The following ZAN variants were observed in gnomAD, a reference collection of about 807,000 sequenced individuals.
The protein encoded by ZAN is zonadhesin (gene/pseudogene).
A neutral mutation model predicts 286.2 loss-of-function variants in ZAN; 260 were observed. That is an observed-to-expected ratio of 0.91 (90% CI 0.82 to 1.01). The LOEUF (loss-of-function observed/expected upper bound fraction) is 1.01. Among genes scored for constraint, ZAN ranks in the 50% least tolerant of loss-of-function variants. The pLI is 0.00. For missense variants in ZAN, 3,410 were observed against 3,639.2 expected (o/e 0.94, Z 1.62); for synonymous variants, 1,368 against 1,417.5 (o/e 0.97, Z 0.79).
rs1808367852 is a variant in ZAN, at chr7:100,748,230, T to G, written c.1102+15T>G. 6.2e-7 allele frequency: 1 copy of G among 1,613,796 alleles called. No individual in the cohort carries two copies. The highest frequency in any genetic ancestry group is 8.5e-7 in the Non-Finnish European group (1 of 1,179,828). Reference sequence around the variant, plus strand: ...TCCTTGTGGGGGTGAGAGCAGGCCCTGAGAGGCCCGGATCTCTCAGAATCC... The same window carrying G: ...TCCTTGTGGGGGTGAGAGCAGGCCCGGAGAGGCCCGGATCTCTCAGAATCC... On this transcript the variant is annotated intron_variant, in intron 10 of 47. Transcript: ENST00000613979.
intron 37 of ZAN, 21 bp from the exon 38 acceptor site, chr7:100,787,868 C>A: frequency 1.4e-6 from 2 of 1,472,784 alleles, no homozygotes; most frequent in South Asian, 2.7e-5. Flanking sequence ...GGCCCCTTCT[C>A]ACTGTCTGAC....
intron 37 of ZAN, among the ~76,000 whole-genome samples, chr7:100,786,975 T>C (rs1454822333): frequency 1.3e-5 from 2 of 151,942 alleles, no homozygotes; most frequent in African/African-American, 4.8e-5. Flanking sequence ...CGCAGGAGAA[T>C]TGCTTGAGCT....
intron 35 of ZAN, 125 bp from the exon 36 acceptor site, chr7:100,784,498 C>G: frequency 1.1e-6 from 1 of 901,090 alleles, no homozygotes; most frequent in East Asian, 2.7e-5. Flanking sequence ...GAATGAATAA[C>G]AAAAGAACAA....
intron 19 of ZAN, among the ~76,000 whole-genome samples, chr7:100,761,399 G>A (rs893748472): frequency 2.0e-5 from 3 of 152,082 alleles, no homozygotes; most frequent in Admixed American, 2.0e-4. Context: ...CAGCATGCTG[G>A]GAGGCCGAAG....
At position 100,752,842 on chromosome 7, in the gene ZAN, C is replaced by T. The variant is rs375486639; in HGVS notation, c.2737C>T (p.Pro913Ser). The change falls in exon 14 of 48, where the codon CCC becomes TCC. Residue 913 changes from proline (P) to serine (S), a missense_variant. Pro to Ser is a moderately conservative substitution (Grantham distance 74). Coordinates refer to ENST00000613979, the MANE Select transcript of ZAN (RefSeq NM_003386.3). ...TEKPTISPEK[P>S]TISTEKPTIP... Reference sequence around the variant, plus strand: ...AAAACCCACCATCTCCCCAGAAAAACCCACCATCTCCACGGAAAAACCCAC... The same window carrying T: ...AAAACCCACCATCTCCCCAGAAAAATCCACCATCTCCACGGAAAAACCCAC... 1.4e-5 allele frequency: 23 copies of T among 1,605,220 alleles called. No homozygotes were observed. The African/African-American group carries it at 3.1e-4, about 22-fold the overall frequency.
intron 45 of ZAN, 78 bp downstream of exon 45, chr7:100,795,414 A>G (rs988146699): frequency 6.0e-5 from 79 of 1,313,294 alleles, no homozygotes; most frequent in Non-Finnish European, 7.0e-5. Context: ...TATATGTATT[A>G]TATTCACATA....
At chr7:100,745,657 G>A (rs980948422) in intron 7 of ZAN, among the ~76,000 whole-genome samples, 4 of 152,102 alleles carry the variant, frequency 2.6e-5, no homozygotes, top group Admixed American at 2.0e-4. Flanking sequence ...AGGCCAAGGC[G>A]GGAGGATTGC....
At position 100,766,610 on chromosome 7, in the gene ZAN, G is replaced by T; in HGVS notation, c.4556G>T (p.Cys1519Phe). The T allele has an allele frequency of 6.4e-7, 1 of 1,558,002 alleles. No homozygotes were observed. Among genetic ancestry groups the T allele is most frequent in the South Asian group, 1.2e-5 (1 of 84,326 alleles). Residue 1519 changes from cysteine (C) to phenylalanine (F), a missense_variant, in exon 24 of 48, where the codon TGT (cysteine) becomes TTT (phenylalanine). Physicochemically the swap from Cys to Phe is radical, Grantham distance 205. This residue lies in a region of ZAN where 1,042 missense variants were observed against 1,058.0 expected (regional missense o/e 0.98). Transcript: ENST00000613979. The part of the protein sequence containing the change: ...NNRIRCQPWR[C>F]RAQEFCGQQD... ...AGAATTCGCTGCCAGCCCTGGAGGT[G>T]TAGGGCCCAGGAGTTCTGTGGCCAA...
intron 14 of ZAN, among the ~76,000 whole-genome samples, chr7:100,753,787 T>G (rs1411468722): frequency 6.7e-6 from 1 of 148,854 alleles, no homozygotes; most frequent in Non-Finnish European, 1.5e-5. Flanking sequence ...GAGCCATGAT[T>G]GTGTCACTGC....
Position 100,767,870 on chromosome 7 carries a change from C to G in ZAN, c.4900C>G (p.Gln1634Glu), listed in dbSNP as rs748681656. The change falls in exon 26 of 48, where the codon CAA becomes GAA. Residue 1634 changes from glutamine (Q) to glutamate (E), a missense_variant. Gln to Glu is a conservative substitution (Grantham distance 29). Transcript: ENST00000613979. Reference sequence around the variant, plus strand: ...GGTGGCCCTACCTGTGTGGCTTGCACAAGGCCGGGTGACCATAAGGCTCAG... The same window carrying G: ...GGTGGCCCTACCTGTGTGGCTTGCAGAAGGCCGGGTGACCATAAGGCTCAG... ...HRVALPVWLA[Q>E]GRVTIRLSSN... The G allele has an allele frequency of 1.9e-6, 3 of 1,613,920 alleles. No homozygotes were observed. The South Asian group carries it at 3.3e-5, about 18-fold the overall frequency.
At position 100,748,476 on chromosome 7, in the gene ZAN, G is replaced by A; in HGVS notation, c.1249+6G>A. On this transcript the variant is annotated splice_donor_region_variant and intron_variant, in intron 11 of 47. Coordinates refer to ENST00000613979, the MANE Select transcript of ZAN (RefSeq NM_003386.3). ...GGGAGGTTTCCCTAATGCAGGTGAG[G>A]AGATTGAGGAGCGCTCACGCCAAGA... 6.2e-7 allele frequency: 1 copy of A among 1,607,726 alleles called. No homozygotes were observed. The highest frequency in any genetic ancestry group is 8.5e-7 in the Non-Finnish European group (1 of 1,177,054).
chr7:100,787,130 A>G (rs1811610237), intron 37 of ZAN, among the ~76,000 whole-genome samples: 1 of 151,896 alleles, frequency 6.6e-6, no homozygotes, highest in Non-Finnish European at 1.5e-5. Flanking sequence ...TTGAAAAAAA[A>G]AAGTCTAGGT....
Position 100,794,240 on chromosome 7 carries a change from A to C in ZAN, c.8107A>C (p.Thr2703Pro). The change falls in exon 44 of 48, where the codon ACC becomes CCC. Residue 2703 changes from threonine (T) to proline (P), a missense_variant. Thr to Pro is a conservative substitution (Grantham distance 38). Transcript: ENST00000613979. ...GGAGGTCTGCACCCTGGGGAACCAC[A>C]CCCAAGGCTGCTTTCCAGGTGAACC... ...AGEVCTLGNH[T>P]QGCFPESPCL... is the part of the protein sequence containing the mutation. 1 of 1,606,228 alleles carries C rather than the reference A, an allele frequency of 6.2e-7. No homozygotes were observed. The highest frequency in any genetic ancestry group is 8.5e-7 in the Non-Finnish European group (1 of 1,175,328).
intron 7 of ZAN, among the ~76,000 whole-genome samples, chr7:100,745,365 C>G (rs148932526): frequency 0.016 from 2,377 of 151,868 alleles, 67 homozygotes; most frequent in Non-Finnish European, 0.023. Flanking sequence ...CTCCCTTGGA[C>G]TCGGGCGTGA....
Position 100,787,937 on chromosome 7 carries a change from A to T in ZAN, c.7028A>T (p.Asp2343Val). 2 of 1,303,782 alleles carry T rather than the reference A, an allele frequency of 1.5e-6. No homozygotes were observed. Among genetic ancestry groups the T allele is most frequent in the Non-Finnish European group, 2.2e-6 (2 of 918,552 alleles). The allele number at this position is 1,303,782 out of a possible 1,614,324, so 80.8% of individuals were successfully genotyped here. A position where few individuals can be genotyped will look rare whatever the true frequency, so the allele number is the denominator to read the frequency against. ...VYGDPRYLTF[D>V]GFSYRLQGRM... is the part of the protein sequence containing the mutation. Reference sequence around the variant, plus strand: ...GGCGACCCCCGTTACCTCACATTTGACGGCTTCAGCTACCGCTTGCAAGGC... The same window carrying T: ...GGCGACCCCCGTTACCTCACATTTGTCGGCTTCAGCTACCGCTTGCAAGGC... The change falls in exon 38 of 48, where the codon GAC becomes GTC. Residue 2343 changes from aspartate to valine, a missense_variant. Transcript: ENST00000613979.
rs1424615172 is a variant in ZAN at position 100,752,878 on chromosome 7, G to A, written c.2773G>A (p.Glu925Lys). 1 of 1,609,562 alleles carries A rather than the reference G, an allele frequency of 6.2e-7. No individual in the cohort carries two copies. The highest frequency in any genetic ancestry group is 2.2e-5 in the East Asian group (1 of 44,638). The stretch of plus-strand genomic sequence containing the variant: ...CACGGAAAAACCCACCATCCCCACG[G>A]AAAAACCCACCATCCCCACTGAAGA... ...ISTEKPTIPTEKPTIPTEETT... is the reference protein window; with the variant it reads ...ISTEKPTIPTKKPTIPTEETT... Residue 925 changes from glutamate (E) to lysine (K), a missense_variant, in exon 14 of 48, where the codon GAA becomes AAA. This residue lies in a region of ZAN where 51 missense variants were observed against 105.2 expected (regional missense o/e 0.48). Transcript: ENST00000613979.
chr7:100,789,355 A>T lies in ZAN; in HGVS notation c.7357+8A>T. 6.2e-7 allele frequency: 1 copy of T among 1,612,436 alleles called. No individual in the cohort carries two copies. The highest frequency in any genetic ancestry group is 1.1e-5 in the South Asian group (1 of 90,880). On this transcript the variant is annotated splice_region_variant and intron_variant, in intron 39 of 47. Transcript: ENST00000613979. The stretch of plus-strand genomic sequence containing the variant: ...GTGGAAGGAAAAATGCAGGTAATGG[A>T]GAGAGGGGAAAGAAGAGCAAAAGGG...
intron 45 of ZAN, 23 bp downstream of exon 45, chr7:100,795,359 T>C (rs745668558): frequency 6.6e-7 from 1 of 1,522,276 alleles, no homozygotes; most frequent in East Asian, 2.4e-5. Flanking sequence ...TCCAAGGCCC[T>C]GTACCCTCAC....
At position 100,752,582 on chromosome 7, in the gene ZAN, C is replaced by A; in HGVS notation, c.2477C>A (p.Thr826Asn). The A allele has an allele frequency of 6.2e-7, 1 of 1,612,828 alleles. No homozygotes were observed. The highest frequency in any genetic ancestry group is 8.5e-7 in the Non-Finnish European group (1 of 1,179,548). The change falls in exon 14 of 48, where the codon ACT becomes AAT. Residue 826 changes from threonine (T) to asparagine (N), a missense_variant. Coordinates refer to ENST00000613979, the MANE Select transcript of ZAN (RefSeq NM_003386.3). ...CCCATGGAAAAACCCACTCTCCCCA[C>A]TGAAGAAACCACCACCTCTGTTGAA... Reference protein sequence around the residue: ...SIPMEKPTLPTEETTTSVEET... With the variant: ...SIPMEKPTLPNEETTTSVEET...
Sources: allele counts gnomAD v4.1 joint callset (sites outside exome capture counted in the v4.1 genomes callset), GRCh38; gene constraint gnomAD v4.1.1; regional missense constraint gnomAD v4.1.1; transcripts MANE v1.5; gene names NCBI Gene and HGNC (gene_info 2026-07-23, HGNC 2026-07-21).